GPM6A: variants seen among roughly 807,000 people sequenced by gnomAD.
GPM6A encodes glycoprotein M6A.
A neutral mutation model predicts 32.1 loss-of-function variants in GPM6A; 7 were observed. The observed-to-expected ratio is 0.22, with a 90% CI of 0.12 to 0.41. The LOEUF (loss-of-function observed/expected upper bound fraction) is 0.41, where lower values mean the gene tolerates loss of function less well. Ranked by LOEUF, GPM6A falls within the 10% of genes least tolerant of loss-of-function variation. The probability of loss-of-function intolerance (pLI) is 1.00; values close to 1 mark genes in which losing one functional copy is unlikely to be tolerated. For synonymous variants in GPM6A, 130 were observed against 123.4 expected (o/e 1.05, Z -0.35); for missense variants, 235 against 347.2 (o/e 0.68, Z 2.57).
chr4:175,779,441 T>C (rs1237252909), intron 1 of GPM6A, among the ~76,000 whole-genome samples: 2 of 152,186 alleles, frequency 1.3e-5, no homozygotes, highest in Admixed American at 1.3e-4. Context: ...ATTGTCAATA[T>C]TGAATATTGA....
At chr4:175,944,304 T>C (rs755291646) in intron 1 of GPM6A, among the ~76,000 whole-genome samples, 1 of 152,224 alleles carries the variant, frequency 6.6e-6, no homozygotes, top group Non-Finnish European at 1.5e-5. Flanking sequence ...GCATATACTG[T>C]AATTAGAAAT....
chr4:175,713,825 A>T (rs943601566), intron 1 of GPM6A, among the ~76,000 whole-genome samples: 9 of 152,026 alleles, frequency 5.9e-5, no homozygotes, highest in Non-Finnish European at 1.2e-4. Context: ...TTTTCACTGC[A>T]TTTTTTGCTG....
intron 1 of GPM6A, among the ~76,000 whole-genome samples, chr4:175,794,854 G>C (rs1005077647): frequency 1.3e-5 from 2 of 152,050 alleles, no homozygotes; most frequent in Admixed American, 1.3e-4. Flanking sequence ...ATAAGGGCTT[G>C]ATATGCCAAA....
chr4:175,871,856 T>A (rs1736921246), intron 1 of GPM6A, among the ~76,000 whole-genome samples: 1 of 152,158 alleles, frequency 6.6e-6, no homozygotes, highest in Admixed American at 6.5e-5. Flanking sequence ...AAATAAAAAA[T>A]TTTATTTCTT....
chr4:175,640,110 C>T lies in GPM6A; in HGVS notation c.684+19G>A, dbSNP rs1741050460. On this transcript the variant is annotated intron_variant, in intron 6 of 6. Transcript: ENST00000393658. ...GGAATTCACATTGAAAACCAAGCAC[C>T]AGCGCTTTGAGGTCTTACCATAGCA... 18 of 1,592,636 alleles carry T rather than the reference C, an allele frequency of 1.1e-5. No homozygotes were observed. Among genetic ancestry groups the T allele is most frequent in the Non-Finnish European group, 1.5e-5 (17 of 1,160,590 alleles).
At chr4:175,704,321 T>TCACA (rs112980051) in intron 1 of GPM6A, among the ~76,000 whole-genome samples, 29 of 150,260 alleles carry the variant, frequency 1.9e-4, no homozygotes, top group Middle Eastern at 6.9e-3. Context: ...TCTCTTTCTC[T>TCACA]CACACACACA....
At chr4:175,876,986 C>T (rs574988236) in intron 1 of GPM6A, among the ~76,000 whole-genome samples, 18 of 152,104 alleles carry the variant, frequency 1.2e-4, no homozygotes, top group African/African-American at 3.1e-4. Context: ...AAAGTCCATG[C>T]GGTCACTTAT....
intron 1 of GPM6A, among the ~76,000 whole-genome samples, chr4:175,969,466 T>C (rs563852542): frequency 1.1e-4 from 17 of 152,262 alleles, no homozygotes; most frequent in Admixed American, 1.0e-3. Flanking sequence ...CCCAGCACTT[T>C]GGGAAGCTGA....
chr4:175,938,561 G>A (rs998424579), intron 1 of GPM6A, among the ~76,000 whole-genome samples: 2 of 152,030 alleles, frequency 1.3e-5, no homozygotes, highest in Non-Finnish European at 2.9e-5. Context: ...TTTGAGAAGT[G>A]TCTGTTCATA....
rs183443567 is a variant in GPM6A, at chr4:175,719,091, T to C, written c.38-17324A>G. On this transcript the variant is annotated intron_variant, in intron 1 of 6. Transcript: ENST00000393658. ...ATAGATTTTTAATGCAATCTGGCTT[T>C]TTAGAATTTATATATTTATTCCAAA... Among the ~76,000 whole-genome samples the C allele has an allele frequency of 2.0e-5, 3 of 152,330 alleles. No individual in the cohort carries two copies. The East Asian group carries it at 5.8e-4, about 29-fold the overall frequency.
At chr4:175,997,072 C>G (rs929445377) in intron 1 of GPM6A, among the ~76,000 whole-genome samples, 2 of 152,092 alleles carry the variant, frequency 1.3e-5, no homozygotes, top group African/African-American at 4.8e-5. Context: ...CTGGCATCAA[C>G]TGCCAGCTAT....
intron 4 of GPM6A, among the ~76,000 whole-genome samples, chr4:175,649,990 A>G (rs946062235): frequency 6.6e-6 from 1 of 152,160 alleles, no homozygotes; most frequent in Non-Finnish European, 1.5e-5. Flanking sequence ...AGGGGCAGAG[A>G]GCAGAGCCAC....
intron 1 of GPM6A, among the ~76,000 whole-genome samples, chr4:175,796,888 T>C (rs1411522576): frequency 6.6e-6 from 1 of 152,196 alleles, no homozygotes; most frequent in Non-Finnish European, 1.5e-5. Flanking sequence ...TGTCTAAACA[T>C]GCTTTTAAAA....
chr4:175,923,762 C>T (rs1479047753), intron 1 of GPM6A, among the ~76,000 whole-genome samples: 1 of 152,096 alleles, frequency 6.6e-6, no homozygotes, highest in Non-Finnish European at 1.5e-5. Context: ...TCATGTTGCT[C>T]AGGCTGGTAT....
intron 1 of GPM6A, among the ~76,000 whole-genome samples, chr4:175,867,293 G>A (rs1736770051): frequency 6.6e-6 from 1 of 151,900 alleles, no homozygotes; most frequent in Admixed American, 6.6e-5. Flanking sequence ...TTCATAAATT[G>A]CGCCTTCAAT....
chr4:175,812,111 C>G, intron 1 of GPM6A, 80 bp downstream of exon 1: 1 of 1,050,572 alleles, frequency 9.5e-7, no homozygotes, highest in Admixed American at 2.1e-5. Flanking sequence ...ATTCATTAGC[C>G]TTACTGGCAA....
At chr4:175,721,167 T>TATATATATATATATATA (rs1247155865) in intron 1 of GPM6A, among the ~76,000 whole-genome samples, 1 of 81,282 alleles carries the variant, frequency 1.2e-5, no homozygotes, top group Non-Finnish European at 3.8e-5. Flanking sequence ...ATATATATAT[T>TATATATATATATATATA]TTCTATTTTT....
At chr4:175,885,341 A>G (rs1181706188) in intron 1 of GPM6A, among the ~76,000 whole-genome samples, 2 of 152,268 alleles carry the variant, frequency 1.3e-5, no homozygotes, top group Non-Finnish European at 1.5e-5. Context: ...TGCAGATAGG[A>G]ATAGATAGTG....
intron 1 of GPM6A, among the ~76,000 whole-genome samples, chr4:175,802,901 A>G (rs1300928304): frequency 6.6e-6 from 1 of 152,154 alleles, no homozygotes. Context: ...CATTTTCAAG[A>G]AAGCTGCTAC....
Sources: gnomAD v4.1 joint callset for allele counts (sites outside exome capture counted in the v4.1 genomes callset) on GRCh38, gnomAD v4.1.1 for gene constraint, MANE v1.5 for transcripts, NCBI Gene and HGNC (gene_info 2026-07-23, HGNC 2026-07-21) for gene names.